ZDBF2: variants seen among roughly 807,000 people sequenced by gnomAD.
The protein encoded by ZDBF2 is DBF4-type zinc finger-containing protein 2.
Under a neutral mutation model 9.4 loss-of-function variants are expected in ZDBF2, and 6 were observed. That is an observed-to-expected ratio of 0.64 (90% CI 0.35 to 1.27). ZDBF2 has a LOEUF of 1.27. ZDBF2 is among the 50% of genes most tolerant of loss of function. The pLI is 0.03. For missense variants in ZDBF2, 2,697 were observed against 2,766.8 expected (o/e 0.97, Z 0.57); for synonymous variants, 905 against 946.3 (o/e 0.96, Z 0.80).
chr2:206,291,917 C>T, intron 3 of ZDBF2: 1 of 393,216 alleles, frequency 2.5e-6, no homozygotes, highest in Non-Finnish European at 4.5e-6. Flanking sequence ...ACAACTGCCA[C>T]CTAGAATTCT....
At chr2:206,294,855 G>T (rs944498793) in intron 3 of ZDBF2, among the ~76,000 whole-genome samples, 3 of 152,152 alleles carry the variant, frequency 2.0e-5, no homozygotes, top group Non-Finnish European at 2.9e-5. Context: ...AGTATTCCAT[G>T]ATGTATATGT....
rs772035378 is a variant in ZDBF2, at chr2:206,306,692, C to T, written c.2164C>T (p.Pro722Ser). Residue 722 changes from proline (P) to serine (S), a missense_variant, in exon 5 of 5, where the codon CCT becomes TCT. Around this residue, in one of 3 missense-constraint regions of ZDBF2, gnomAD observed 910 missense variants for 973.6 expected, o/e 0.93. Transcript: ENST00000374423. Reference protein sequence around the residue: ...ASLYHSAHDEPQEALDEVNLK... With the variant: ...ASLYHSAHDESQEALDEVNLK... ...TCTTTATCATTCAGCTCATGATGAG[C>T]CTCAAGAAGCTTTGGATGAAGTAAA... is the stretch of plus-strand genomic sequence containing the variant. The T allele has an allele frequency of 1.9e-6, 3 of 1,613,680 alleles. No individual in the cohort carries two copies. In the East Asian group the frequency reaches 6.7e-5, roughly 36 times the overall value.
In ZDBF2 at chr2:206,312,251, A is replaced by G. The variant is rs1017487078; in HGVS notation, c.*658A>G. 1.3e-5 allele frequency: 2 copies of G among 152,012 alleles called. No homozygotes were observed. The highest frequency in any genetic ancestry group is 3.9e-4 in the East Asian group (2 of 5,188). The allele number at this position is 152,012 out of a possible 1,614,324, so 9.4% of individuals were successfully genotyped here. A position where few individuals can be genotyped will look rare whatever the true frequency, so the allele number is the denominator to read the frequency against. Reference sequence around the variant, plus strand: ...TTATTAGATCTTAAAGGGGAAAATAATTTTGCCCATGTGTTTAGGCATTCC... The same window carrying G: ...TTATTAGATCTTAAAGGGGAAAATAGTTTTGCCCATGTGTTTAGGCATTCC... On this transcript the variant is annotated 3_prime_UTR_variant, in exon 5 of 5. Transcript: ENST00000374423.
chr2:206,287,345 G>A (rs190601345), intron 3 of ZDBF2, among the ~76,000 whole-genome samples: 2 of 152,254 alleles, frequency 1.3e-5, no homozygotes, highest in East Asian at 3.9e-4. Context: ...GCTTTGCTGG[G>A]TATAGTATTG....
chr2:206,276,536 A>G (rs1691012476), intron 1 of ZDBF2, among the ~76,000 whole-genome samples: 1 of 152,210 alleles, frequency 6.6e-6, no homozygotes, highest in Non-Finnish European at 1.5e-5. Flanking sequence ...GTTTTCACCT[A>G]ATATTAAAAC....
At chr2:206,274,973 C>CGGCCGGGGCGA (rs1690899246) in intron 1 of ZDBF2, 27 bp downstream of exon 1, 1 of 149,478 alleles carries the variant, frequency 6.7e-6, no homozygotes, top group Admixed American at 6.7e-5. Flanking sequence ...GGGCGGGGCG[C>CGGCCGGGGCGA]GGCCGGGGCG....
chr2:206,291,852 G>C (rs2105919390), intron 3 of ZDBF2, among the ~76,000 whole-genome samples: 1 of 152,230 alleles, frequency 6.6e-6, no homozygotes, highest in South Asian at 2.1e-4. Flanking sequence ...AAGTAATATG[G>C]GGCCCATATC....
rs1287645020 is a variant in ZDBF2, at chr2:206,313,308, T to A, written c.*1715T>A. On this transcript the variant is annotated 3_prime_UTR_variant, in exon 5 of 5. Coordinates refer to ENST00000374423, the MANE Select transcript of ZDBF2 (RefSeq NM_020923.3). ...TTTCTTTACTTCTAAATTTAAATAG[T>A]AATTATGTTTAAAAACAAATGTTTT... is the stretch of plus-strand genomic sequence containing the variant. 1 of 152,228 alleles carries A rather than the reference T, an allele frequency of 6.6e-6. No homozygotes were observed. Among genetic ancestry groups the A allele is most frequent in the Non-Finnish European group, 1.5e-5 (1 of 68,034 alleles). The allele number at this position is 152,228 out of a possible 1,614,324, so 9.4% of individuals were successfully genotyped here.
At position 206,308,601 on chromosome 2, in the gene ZDBF2, G is replaced by C. The variant is rs1247798439; in HGVS notation, c.4073G>C (p.Ser1358Thr). The change falls in exon 5 of 5, where the codon AGC becomes ACC. Residue 1358 changes from serine to threonine, a missense_variant. Ser to Thr is a moderately conservative substitution (Grantham distance 58). Around this residue, in one of 3 missense-constraint regions of ZDBF2, gnomAD observed 1,783 missense variants for 1,776.5 expected, o/e 1.00. Coordinates refer to ENST00000374423, the MANE Select transcript of ZDBF2 (RefSeq NM_020923.3). Reference protein sequence around the residue: ...EEEHASLEDKSSNSYSPEESS... With the variant: ...EEEHASLEDKTSNSYSPEESS... ...GAGCATGCCAGTCTGGAAGATAAGA[G>C]CAGTAATTCTTATAGTCCTGAAGAA... is the stretch of plus-strand genomic sequence containing the variant. The C allele has an allele frequency of 1.2e-6, 2 of 1,613,306 alleles. No homozygotes were observed. Among genetic ancestry groups the C allele is most frequent in the African/African-American group, 2.7e-5 (2 of 75,034 alleles).
intron 1 of ZDBF2, 104 bp downstream of exon 1, chr2:206,275,050 G>T: frequency 1.3e-5 from 2 of 151,740 alleles, no homozygotes; most frequent in Middle Eastern, 6.8e-3. Context: ...CGCCAGGACC[G>T]CTCGCTGGGC....
intron 3 of ZDBF2, among the ~76,000 whole-genome samples, chr2:206,284,412 C>A (rs1293221211): frequency 1.3e-5 from 2 of 152,084 alleles, no homozygotes; most frequent in Non-Finnish European, 2.9e-5. Flanking sequence ...TACTCATCAC[C>A]TCAAACTTTT....
Position 206,309,647 on chromosome 2 carries a change from G to T in ZDBF2, c.5119G>T (p.Ala1707Ser). The part of the protein sequence containing the change: ...GLKGKSCQSS[A>S]SAVDFGASSK... The stretch of plus-strand genomic sequence containing the variant: ...AAAAGGTAAGAGCTGTCAGTCTAGT[G>T]CTTCTGCAGTGGATTTTGGTGCCTC... The change falls in exon 5 of 5, where the codon GCT (alanine) becomes TCT (serine). Residue 1707 changes from alanine to serine, a missense_variant. Ala to Ser is a moderately conservative substitution (Grantham distance 99). Around this residue, in one of 3 missense-constraint regions of ZDBF2, gnomAD observed 1,783 missense variants for 1,776.5 expected, o/e 1.00. Transcript: ENST00000374423. 1 of 1,613,934 alleles carries T rather than the reference G, an allele frequency of 6.2e-7. No homozygotes were observed. Among genetic ancestry groups the T allele is most frequent in the Non-Finnish European group, 8.5e-7 (1 of 1,179,876 alleles).
chr2:206,284,796 T>G (rs1202406498), intron 3 of ZDBF2, among the ~76,000 whole-genome samples: 1 of 152,222 alleles, frequency 6.6e-6, no homozygotes, highest in African/African-American at 2.4e-5. Flanking sequence ...TGGCATGATC[T>G]TGGCTCACTG....
In ZDBF2 at chr2:206,305,643, A is replaced by G. The variant is rs999755376; in HGVS notation, c.1115A>G (p.Gln372Arg). ...SEMKFDCISL[Q>R]SASDQPQETA... is the part of the protein sequence containing the mutation. Reference sequence around the variant, plus strand: ...ATGAAGTTTGATTGTATCTCTCTTCAGTCAGCATCTGATCAGCCCCAAGAG... The same window carrying G: ...ATGAAGTTTGATTGTATCTCTCTTCGGTCAGCATCTGATCAGCCCCAAGAG... The change falls in exon 5 of 5, where the codon CAG becomes CGG. Residue 372 changes from glutamine to arginine, a missense_variant. Gln to Arg is a conservative substitution (Grantham distance 43). Transcript: ENST00000374423. The G allele has an allele frequency of 6.2e-7, 1 of 1,613,614 alleles. No individual in the cohort carries two copies. The highest frequency in any genetic ancestry group is 8.5e-7 in the Non-Finnish European group (1 of 1,179,800).
chr2:206,288,510 C>T (rs779063559), intron 3 of ZDBF2, among the ~76,000 whole-genome samples: 3 of 152,180 alleles, frequency 2.0e-5, no homozygotes, highest in African/African-American at 7.2e-5. Context: ...TTAGGTGTGA[C>T]GTGGCCTATA....
intron 4 of ZDBF2, among the ~76,000 whole-genome samples, chr2:206,304,184 A>G (rs538560034): frequency 2.0e-5 from 3 of 152,308 alleles, no homozygotes; most frequent in South Asian, 4.1e-4. Context: ...CTATATTCCT[A>G]TGAACAATGT....
At chr2:206,288,623 G>A (rs1691721079) in intron 3 of ZDBF2, among the ~76,000 whole-genome samples, 1 of 152,128 alleles carries the variant, frequency 6.6e-6, no homozygotes, top group Non-Finnish European at 1.5e-5. Context: ...TGTTGCACTT[G>A]GATCTTGGGG....
intron 4 of ZDBF2, among the ~76,000 whole-genome samples, chr2:206,300,407 G>C (rs564123382): frequency 1.3e-5 from 2 of 152,254 alleles, no homozygotes; most frequent in Admixed American, 1.3e-4. Context: ...TTTATTTATA[G>C]AGTACTGGCC....
At position 206,311,234 on chromosome 2, in the gene ZDBF2, C is replaced by T; in HGVS notation, c.6706C>T (p.His2236Tyr). Reference protein sequence around the residue: ...YISKYSVFLRHRYQSRSAFLG... With the variant: ...YISKYSVFLRYRYQSRSAFLG... ...TTCGAAATACTCTGTCTTTTTACGT[C>T]ATAGATATCAGTCCAGGAGCGCTTT... The change falls in exon 5 of 5, where the codon CAT becomes TAT. Residue 2236 changes from histidine (H) to tyrosine (Y), a missense_variant. By Grantham distance (83) the His-to-Tyr change is moderately conservative (BLOSUM62 2). Coordinates refer to ENST00000374423, the MANE Select transcript of ZDBF2 (RefSeq NM_020923.3). 1 of 1,611,426 alleles carries T rather than the reference C, an allele frequency of 6.2e-7. No homozygotes were observed. The highest frequency in any genetic ancestry group is 8.5e-7 in the Non-Finnish European group (1 of 1,178,744).
Sources: allele counts gnomAD v4.1 joint callset (sites outside exome capture counted in the v4.1 genomes callset), GRCh38; gene constraint gnomAD v4.1.1; regional missense constraint gnomAD v4.1.1; transcripts MANE v1.5; gene names NCBI Gene and HGNC (gene_info 2026-07-23, HGNC 2026-07-21).